DKK2: variants seen among roughly 807,000 people sequenced by gnomAD.
The protein encoded by DKK2 is dickkopf Wnt signaling pathway inhibitor 2.
Under a neutral mutation model 28.1 loss-of-function variants are expected in DKK2, and 11 were observed. The observed-to-expected ratio is 0.39, with a 90% confidence interval of 0.25 to 0.65. The LOEUF (loss-of-function observed/expected upper bound fraction) is 0.65, where lower values mean the gene tolerates loss of function less well. Ranked by LOEUF, DKK2 falls within the 30% of genes least tolerant of loss-of-function variation. The pLI is 0.47. For missense variants in DKK2, 326 were observed against 335.5 expected (o/e 0.97, Z 0.22); for synonymous variants, 135 against 126.5 (o/e 1.07, Z -0.45).
At chr4:106,936,452 A>C (rs1258915867) in intron 1 of DKK2, among the ~76,000 whole-genome samples, 1 of 152,216 alleles carries the variant, frequency 6.6e-6, no homozygotes, top group Non-Finnish European at 1.5e-5. Context: ...GCCTCCAAGA[A>C]ATATGGGACT....
intron 1 of DKK2, among the ~76,000 whole-genome samples, chr4:106,930,212 A>C (rs929152904): frequency 6.6e-6 from 1 of 152,210 alleles, no homozygotes; most frequent in Non-Finnish European, 1.5e-5. Context: ...CATAATGAAA[A>C]TAATGATAAT....
intron 1 of DKK2, among the ~76,000 whole-genome samples, chr4:106,929,486 T>A (rs1003395709): frequency 2.0e-5 from 3 of 152,296 alleles, no homozygotes; most frequent in South Asian, 4.1e-4. Context: ...GCATCAGTTA[T>A]AATTAGGAGA....
chr4:106,927,346 G>A (rs1225623337), intron 1 of DKK2, among the ~76,000 whole-genome samples: 1 of 152,022 alleles, frequency 6.6e-6, no homozygotes, highest in Non-Finnish European at 1.5e-5. Flanking sequence ...TTTCCGTTTA[G>A]GTGATCAGAT....
chr4:106,992,948 T>C (rs1439184521), intron 1 of DKK2, among the ~76,000 whole-genome samples: 1 of 152,168 alleles, frequency 6.6e-6, no homozygotes, highest in African/African-American at 2.4e-5. Flanking sequence ...CAGAGTTGCA[T>C]GTGGATTGAA....
At chr4:107,000,841 C>G (rs1723349507) in intron 1 of DKK2, among the ~76,000 whole-genome samples, 1 of 152,044 alleles carries the variant, frequency 6.6e-6, no homozygotes, top group Non-Finnish European at 1.5e-5. Flanking sequence ...CATGGCCATA[C>G]AACTAGGAAG....
intron 1 of DKK2, among the ~76,000 whole-genome samples, chr4:106,932,242 A>G (rs931685244): frequency 6.6e-6 from 1 of 152,218 alleles, no homozygotes; most frequent in African/African-American, 2.4e-5. Context: ...TCCTAAAACT[A>G]TCTGAATTAC....
chr4:106,979,469 A>AAG (rs1722995442), intron 1 of DKK2, among the ~76,000 whole-genome samples: 1 of 150,382 alleles, frequency 6.6e-6, no homozygotes, highest in African/African-American at 2.5e-5. Flanking sequence ...CAAATACAGG[A>AAG]AGAGTGTAGG....
rs139556360 is a variant in DKK2 at position 106,996,227 on chromosome 4, A to C, written c.222+39143T>G. On this transcript the variant is annotated intron_variant, in intron 1 of 3. Transcript: ENST00000285311. ...AGATACAAAGCTGTCCACACCACCA[A>C]CGATTTGTAGATTAGATTTTTAAAA... 1.2e-3 allele frequency among the ~76,000 whole-genome samples: 177 copies of C among 152,274 alleles called. 1 individual carries two copies. Among genetic ancestry groups the C allele is most frequent in the African/African-American group, 3.9e-3 (161 of 41,560 alleles).
intron 1 of DKK2, among the ~76,000 whole-genome samples, chr4:106,956,482 C>T (rs1722592369): frequency 1.3e-5 from 2 of 152,198 alleles, no homozygotes; most frequent in Non-Finnish European, 2.9e-5. Flanking sequence ...GGAGGCATCA[C>T]ACTACCTGAC....
chr4:107,020,497 G>A (rs180910564), intron 1 of DKK2, among the ~76,000 whole-genome samples: 4 of 152,004 alleles, frequency 2.6e-5, no homozygotes, highest in Admixed American at 2.6e-4. Flanking sequence ...ATTTTTATGG[G>A]GTTAAGAAGT....
At chr4:106,966,002 A>T (rs1722775370) in intron 1 of DKK2, among the ~76,000 whole-genome samples, 1 of 151,762 alleles carries the variant, frequency 6.6e-6, no homozygotes, top group Non-Finnish European at 1.5e-5. Flanking sequence ...TCATTGTTGG[A>T]CATTTGGGTT....
Position 106,926,024 on chromosome 4 carries a change from T to C in DKK2, c.223-75A>G. 2.8e-6 allele frequency: 4 copies of C among 1,446,648 alleles called. No individual in the cohort carries two copies. The South Asian group carries it at 5.6e-5, about 20-fold the overall frequency. 89.6% of individuals were successfully genotyped at this position (1,446,648 alleles called of 1,614,324 possible). A position where few individuals can be genotyped will look rare whatever the true frequency, so the allele number is the denominator to read the frequency against. On this transcript the variant is annotated intron_variant, in intron 1 of 3. Coordinates refer to ENST00000285311, the MANE Select transcript of DKK2 (RefSeq NM_014421.3). ...ACTTATGAAACATTACTATAGCAAA[T>C]CATGATAGAAAATGAATCACAATAT...
intron 1 of DKK2, among the ~76,000 whole-genome samples, chr4:106,928,961 C>T (rs754139718): frequency 8.6e-5 from 13 of 151,976 alleles, no homozygotes; most frequent in Non-Finnish European, 1.9e-4. Context: ...TTGTGGATGA[C>T]CCTGAAGAAG....
At chr4:106,997,680 C>T (rs1300510706) in intron 1 of DKK2, among the ~76,000 whole-genome samples, 5 of 152,168 alleles carry the variant, frequency 3.3e-5, no homozygotes, top group African/African-American at 9.7e-5. Flanking sequence ...TGACAAAGGT[C>T]GTGGCGACTT....
At chr4:106,954,304 T>C (rs994971881) in intron 1 of DKK2, among the ~76,000 whole-genome samples, 49 of 152,308 alleles carry the variant, frequency 3.2e-4, no homozygotes, top group African/African-American at 1.2e-3. Flanking sequence ...TTTGTTTTGT[T>C]TCTTGCTTCA....
rs183288395 is a variant in DKK2 at position 106,976,962 on chromosome 4, T to C, written c.223-51013A>G. Among the ~76,000 whole-genome samples the C allele has an allele frequency of 3.3e-3, 500 of 152,332 alleles. 5 individuals carry two copies. The highest frequency in any genetic ancestry group is 0.011 in the African/African-American group (458 of 41,572). ...GTGACAAAAATCTCTCAGCATTTGCTTGTCTGTAAGGATTTTATTTCTCCT... is the reference window on the plus strand; with the variant it reads ...GTGACAAAAATCTCTCAGCATTTGCCTGTCTGTAAGGATTTTATTTCTCCT... On this transcript the variant is annotated intron_variant, in intron 1 of 3. Coordinates refer to ENST00000285311, the MANE Select transcript of DKK2 (RefSeq NM_014421.3).
intron 1 of DKK2, among the ~76,000 whole-genome samples, chr4:106,958,242 A>G (rs914457992): frequency 6.6e-6 from 1 of 151,984 alleles, no homozygotes; most frequent in African/African-American, 2.4e-5. Flanking sequence ...AAACTCAAGT[A>G]TAAATATTAG....
rs553326707 is a variant in DKK2 at position 106,991,883 on chromosome 4, G to C, written c.222+43487C>G. 2.8e-4 allele frequency among the ~76,000 whole-genome samples: 43 copies of C among 152,272 alleles called. 1 individual carries two copies. The highest frequency in any genetic ancestry group is 2.7e-3 in the Admixed American group (41 of 15,298). On this transcript the variant is annotated intron_variant, in intron 1 of 3. Coordinates refer to ENST00000285311, the MANE Select transcript of DKK2 (RefSeq NM_014421.3). Reference sequence around the variant, plus strand: ...CTCCATACTCCGAACTCCAGTGACAGTTGATTCCCTGATCATTTTGCACCT... The same window carrying C: ...CTCCATACTCCGAACTCCAGTGACACTTGATTCCCTGATCATTTTGCACCT...
In DKK2 at chr4:106,983,569, C is replaced by T. The variant is rs966853078; in HGVS notation, c.222+51801G>A. On this transcript the variant is annotated intron_variant, in intron 1 of 3. Coordinates refer to ENST00000285311, the MANE Select transcript of DKK2 (RefSeq NM_014421.3). ...ATTCTTAGAGATTTGATACCGAAAG[C>T]ACGGTTACCCTCCAACCCTGCCAAA... Among the ~76,000 whole-genome samples, 11 of 152,040 alleles carry T rather than the reference C, an allele frequency of 7.2e-5. No homozygotes were observed. The East Asian group carries it at 7.7e-4, about 11-fold the overall frequency.
Sources: allele counts gnomAD v4.1 joint callset (sites outside exome capture counted in the v4.1 genomes callset), GRCh38; gene constraint gnomAD v4.1.1; transcripts MANE v1.5; gene names NCBI Gene and HGNC (gene_info 2026-07-23, HGNC 2026-07-21).